Variants in RPS6KC1 observed in about 807,000 individuals in gnomAD.
RPS6KC1 encodes inactive ribosomal protein S6 kinase delta-1.
In RPS6KC1, 54 loss-of-function variants were observed where a neutral mutation model predicts 103.8. The observed-to-expected ratio is 0.52, with a 90% CI of 0.42 to 0.65. The LOEUF is 0.65. Among genes scored for constraint, RPS6KC1 ranks in the 30% least tolerant of loss-of-function variants. The pLI is 0.00. For synonymous variants in RPS6KC1, 439 were observed against 438.7 expected, an observed-to-expected ratio of 1.00 and a Z score of -0.01; for missense variants, 1,151 against 1,253.8, an observed-to-expected ratio of 0.92 and a Z score of 1.24.
chr1:213,536,010 A>T, the RPS6KC1 span, among the ~76,000 whole-genome samples: 1 of 152,118 alleles, frequency 6.6e-6, no homozygotes, highest in Non-Finnish European at 1.5e-5. Context: ...GGAGGCCGAG[A>T]AGGCAGCCAA....
chr1:213,106,008 G>C (rs1181341282), intron 4 of RPS6KC1, among the ~76,000 whole-genome samples: 1 of 152,166 alleles, frequency 6.6e-6, no homozygotes, highest in African/African-American at 2.4e-5. Context: ...GCTGTTCATT[G>C]TATTTCTTCT....
At chr1:213,561,713 C>T in the RPS6KC1 span, among the ~76,000 whole-genome samples, 11 of 152,266 alleles carry the variant, frequency 7.2e-5, 1 homozygote, top group South Asian at 2.1e-3. Flanking sequence ...TTGGGTCCCC[C>T]TCACTCACCC....
At chr1:213,205,021 A>G (rs1328677159) in intron 8 of RPS6KC1, among the ~76,000 whole-genome samples, 1 of 152,088 alleles carries the variant, frequency 6.6e-6, no homozygotes, top group African/African-American at 2.4e-5. Context: ...TTAGTGGCCA[A>G]AGTATTTTTG....
intron 8 of RPS6KC1, among the ~76,000 whole-genome samples, chr1:213,208,611 A>G (rs934676389): frequency 6.6e-6 from 1 of 152,156 alleles, no homozygotes; most frequent in Non-Finnish European, 1.5e-5. Context: ...TTCTTAGAGA[A>G]GAACCTCATA....
At chr1:213,738,635 A>G in the RPS6KC1 span, among the ~76,000 whole-genome samples, 5 of 152,044 alleles carry the variant, frequency 3.3e-5, no homozygotes, top group African/African-American at 9.7e-5. Flanking sequence ...GTCTTTATAA[A>G]TGAGAGAAAG....
intron 3 of RPS6KC1, among the ~76,000 whole-genome samples, chr1:213,096,993 C>T (rs2081518410): frequency 2.0e-5 from 3 of 152,158 alleles, no homozygotes; most frequent in Admixed American, 2.0e-4. Context: ...GGCATGAAAA[C>T]ATAATTAATC....
the RPS6KC1 span, among the ~76,000 whole-genome samples, chr1:213,468,306 C>T: frequency 6.6e-6 from 1 of 152,094 alleles, no homozygotes; most frequent in South Asian, 2.1e-4. Context: ...TTTGACATTC[C>T]AAAAACTTAT....
At chr1:213,266,935 CAAACA>C (rs1419873243) in intron 14 of RPS6KC1, among the ~76,000 whole-genome samples, 1 of 92,330 alleles carries the variant, frequency 1.1e-5, no homozygotes, top group African/African-American at 5.7e-5. Flanking sequence ...AACAAACAAA[CAAACA>C]AACAAAAAAC....
chr1:213,329,800 G>T, the RPS6KC1 span, among the ~76,000 whole-genome samples: 2 of 152,104 alleles, frequency 1.3e-5, no homozygotes, highest in Non-Finnish European at 2.9e-5. Context: ...GCTGTCCGAG[G>T]TCCTTCTTCT....
chr1:213,814,716 C>A, the RPS6KC1 span, among the ~76,000 whole-genome samples: 6 of 152,262 alleles, frequency 3.9e-5, no homozygotes, highest in African/African-American at 1.4e-4. Flanking sequence ...ATGTACCTTA[C>A]AATGTAGCCT....
the RPS6KC1 span, among the ~76,000 whole-genome samples, chr1:213,773,524 ATAT>A: frequency 6.7e-6 from 1 of 148,602 alleles, no homozygotes; most frequent in Non-Finnish European, 1.5e-5. Context: ...TATAATATAG[ATAT>A]TATGTATAGA....
chr1:213,309,785 A>G, the RPS6KC1 span, among the ~76,000 whole-genome samples: 1 of 151,948 alleles, frequency 6.6e-6, no homozygotes, highest in Non-Finnish European at 1.5e-5. Context: ...CCCGGGTTCA[A>G]GCGATTCTCC....
chr1:213,072,194 T>A (rs2078947415), intron 2 of RPS6KC1, among the ~76,000 whole-genome samples: 1 of 152,132 alleles, frequency 6.6e-6, no homozygotes, highest in African/African-American at 2.4e-5. Context: ...AGGTTGTTTC[T>A]GTTTAGCCAC....
chr1:213,607,993 G>C, the RPS6KC1 span, among the ~76,000 whole-genome samples: 1 of 152,168 alleles, frequency 6.6e-6, no homozygotes, highest in East Asian at 1.9e-4. Context: ...AACATGATTT[G>C]ATTTGCATCC....
the RPS6KC1 span, among the ~76,000 whole-genome samples, chr1:213,608,275 T>C: frequency 6.6e-6 from 1 of 152,166 alleles, no homozygotes; most frequent in African/African-American, 2.4e-5. Flanking sequence ...TATTTGCACC[T>C]GATGTGCCCA....
the RPS6KC1 span, among the ~76,000 whole-genome samples, chr1:213,523,679 A>G: frequency 6.6e-6 from 1 of 152,116 alleles, no homozygotes; most frequent in Admixed American, 6.5e-5. Context: ...TTCAAAGTTT[A>G]GTGGGGGTTA....
chr1:213,350,133 A>G, the RPS6KC1 span, among the ~76,000 whole-genome samples: 1 of 152,164 alleles, frequency 6.6e-6, no homozygotes, highest in Non-Finnish European at 1.5e-5. Flanking sequence ...TTGATCCTGG[A>G]TTCTGTTCCC....
intron 10 of RPS6KC1, among the ~76,000 whole-genome samples, chr1:213,237,012 G>A (rs140567435): frequency 3.9e-4 from 60 of 152,124 alleles, no homozygotes; most frequent in African/African-American, 1.4e-3. Context: ...TCTTTTAACA[G>A]TAATTATATA....
At chr1:213,534,511 G>C in the RPS6KC1 span, among the ~76,000 whole-genome samples, 1 of 152,130 alleles carries the variant, frequency 6.6e-6, no homozygotes, top group Non-Finnish European at 1.5e-5. Context: ...ATCCAGATAG[G>C]CTGAGGTAAC....
Sources: allele counts gnomAD v4.1 joint callset (sites outside exome capture counted in the v4.1 genomes callset), GRCh38; gene constraint gnomAD v4.1.1; transcripts MANE v1.5; gene names NCBI Gene and HGNC (gene_info 2026-07-23, HGNC 2026-07-21).